RBFOX1: variants seen among roughly 807,000 people sequenced by gnomAD.
The protein encoded by RBFOX1 is RNA binding fox-1 homolog 1, also known as RNA binding protein fox-1 homolog 1.
In RBFOX1, 8 loss-of-function variants were observed where a neutral mutation model predicts 57.7. The ratio of observed to expected loss-of-function variants is 0.14; its 90% confidence interval spans 0.08 to 0.25. The LOEUF (loss-of-function observed/expected upper bound fraction) is 0.25, where lower values mean the gene tolerates loss of function less well. Ranked by LOEUF, RBFOX1 falls within the 10% of genes least tolerant of loss-of-function variation. The probability of loss-of-function intolerance (pLI) is 1.00; values close to 1 mark genes in which losing one functional copy is unlikely to be tolerated. For missense variants in RBFOX1, 611 were observed against 548.5 expected, an observed-to-expected ratio of 1.11 and a Z score of -1.14; for synonymous variants, 326 against 222.4, an observed-to-expected ratio of 1.47 and a Z score of -4.15.
intron 1 of RBFOX1, among the ~76,000 whole-genome samples, chr16:6,172,736 C>G (rs550256128): frequency 4.6e-4 from 70 of 152,208 alleles, no homozygotes; most frequent in Admixed American, 1.2e-3. Context: ...ACAATGTAAG[C>G]TGCAGGACAG....
At chr16:6,168,778 C>T (rs1409103247) in intron 1 of RBFOX1, among the ~76,000 whole-genome samples, 1 of 151,332 alleles carries the variant, frequency 6.6e-6, no homozygotes, top group Non-Finnish European at 1.5e-5. Context: ...TCTCACTTTG[C>T]CCAGTGTTCT....
At chr16:6,950,869 C>T (rs995182531) in intron 3 of RBFOX1, among the ~76,000 whole-genome samples, 3 of 151,314 alleles carry the variant, frequency 2.0e-5, no homozygotes, top group African/African-American at 7.3e-5. Flanking sequence ...GTTTTTGTCT[C>T]TCTTTCTCTC....
At chr16:6,625,287 G>T (rs890343222) in intron 2 of RBFOX1, among the ~76,000 whole-genome samples, 1 of 150,160 alleles carries the variant, frequency 6.7e-6, no homozygotes, top group Non-Finnish European at 1.5e-5. Flanking sequence ...GAAGGACACA[G>T]AATAGAGTCG....
chr16:6,812,183 T>G (rs182733362), intron 3 of RBFOX1, among the ~76,000 whole-genome samples: 15 of 152,298 alleles, frequency 9.8e-5, no homozygotes, highest in African/African-American at 3.4e-4. Context: ...ATAGGATTTT[T>G]TATTTGTCCT....
intron 2 of RBFOX1, among the ~76,000 whole-genome samples, chr16:5,569,438 CTTTTTTTTTTT>C (rs796279138): frequency 3.7e-3 from 183 of 49,204 alleles, no homozygotes; most frequent in African/African-American, 6.8e-3. Flanking sequence ...AAGAAGTAAC[CTTTTTTTTTTT>C]TTTTTTTTTT....
At chr16:6,663,038 T>G (rs2098711049) in intron 3 of RBFOX1, among the ~76,000 whole-genome samples, 1 of 152,154 alleles carries the variant, frequency 6.6e-6, no homozygotes, top group South Asian at 2.1e-4. Flanking sequence ...CTTGTTTGCA[T>G]TTTGTAAGTT....
intron 2 of RBFOX1, among the ~76,000 whole-genome samples, chr16:5,503,463 G>C (rs28652792): frequency 0.1 from 15,205 of 152,266 alleles, 2,502 homozygotes; most frequent in African/African-American, 0.34. Context: ...TTGAGACGGA[G>C]TCTTGCTCTG....
At chr16:6,202,409 G>A (rs1256327870) in intron 1 of RBFOX1, among the ~76,000 whole-genome samples, 2 of 152,096 alleles carry the variant, frequency 1.3e-5, no homozygotes, top group South Asian at 4.1e-4. Context: ...GTGCTTTGAG[G>A]TTATTCAATC....
At chr16:7,262,225 A>G (rs533452218) in intron 4 of RBFOX1, among the ~76,000 whole-genome samples, 10 of 152,070 alleles carry the variant, frequency 6.6e-5, no homozygotes, top group Admixed American at 5.9e-4. Flanking sequence ...AGTAAGCCAC[A>G]TTTTCATGCA....
At chr16:5,645,106 G>C (rs1283661260) in intron 3 of RBFOX1, among the ~76,000 whole-genome samples, 1 of 151,664 alleles carries the variant, frequency 6.6e-6, no homozygotes, top group Non-Finnish European at 1.5e-5. Flanking sequence ...TAAAAATGTT[G>C]AGTGTGGTGA....
intron 5 of RBFOX1, among the ~76,000 whole-genome samples, chr16:7,556,299 C>G (rs1279282740): frequency 6.6e-6 from 1 of 152,158 alleles, no homozygotes; most frequent in Non-Finnish European, 1.5e-5. Context: ...TTCTTGTACA[C>G]CAGATTGTCT....
At chr16:5,725,239 A>C (rs1373568828) in intron 3 of RBFOX1, among the ~76,000 whole-genome samples, 1 of 151,938 alleles carries the variant, frequency 6.6e-6, no homozygotes, top group Admixed American at 6.6e-5. Flanking sequence ...TTTTTTAAAA[A>C]TTATTTTCTA....
At chr16:5,597,853 A>C (rs1240873121) in intron 2 of RBFOX1, among the ~76,000 whole-genome samples, 4 of 152,156 alleles carry the variant, frequency 2.6e-5, no homozygotes, top group Non-Finnish European at 5.9e-5. Flanking sequence ...TGCTCAGTTC[A>C]AGCTGAGGCT....
At chr16:7,609,639 T>C (rs2057033131) in intron 10 of RBFOX1, among the ~76,000 whole-genome samples, 1 of 152,162 alleles carries the variant, frequency 6.6e-6, no homozygotes, top group Non-Finnish European at 1.5e-5. Flanking sequence ...ATAAGTTTAA[T>C]GTATTTAATG....
intron 3 of RBFOX1, among the ~76,000 whole-genome samples, chr16:5,858,723 T>G (rs2057134184): frequency 6.6e-6 from 1 of 152,224 alleles, no homozygotes. Context: ...TCATTGGACA[T>G]GTCTGGAGCC....
At chr16:6,087,991 TTG>T (rs2096114128) in intron 1 of RBFOX1, among the ~76,000 whole-genome samples, 1 of 151,904 alleles carries the variant, frequency 6.6e-6, no homozygotes, top group Non-Finnish European at 1.5e-5. Flanking sequence ...GTGTGTGTGT[TTG>T]TGTGTGTGTG....
At chr16:5,818,050 A>T (rs1865822) in intron 3 of RBFOX1, among the ~76,000 whole-genome samples, 1,688 of 152,280 alleles carry the variant, frequency 0.011, 34 homozygotes, top group African/African-American at 0.039. Context: ...GGGTCTTTGA[A>T]CAGTTTTAAG....
chr16:5,892,812 C>G (rs898800431), intron 4 of RBFOX1, among the ~76,000 whole-genome samples: 2 of 152,150 alleles, frequency 1.3e-5, no homozygotes, highest in African/African-American at 2.4e-5. Context: ...ATGGCCAAGT[C>G]AAGGCACTGT....
At chr16:5,666,116 G>T (rs1032418512) in intron 3 of RBFOX1, among the ~76,000 whole-genome samples, 1 of 152,230 alleles carries the variant, frequency 6.6e-6, no homozygotes, top group African/African-American at 2.4e-5. Flanking sequence ...GTTTGCAGGG[G>T]CCGGTTCCGT....
Sources: allele counts gnomAD v4.1 joint callset (sites outside exome capture counted in the v4.1 genomes callset), GRCh38; gene constraint gnomAD v4.1.1; transcripts MANE v1.5; gene names NCBI Gene and HGNC (gene_info 2026-07-23, HGNC 2026-07-21).